The following ADAM23 variants were observed in gnomAD, a reference collection of about 807,000 sequenced individuals.
The protein encoded by ADAM23 is disintegrin and metalloproteinase domain-containing protein 23.
Under a neutral mutation model 120.1 loss-of-function variants are expected in ADAM23, and 33 were observed. That is an observed-to-expected ratio of 0.27 (90% CI 0.21 to 0.37). The LOEUF (loss-of-function observed/expected upper bound fraction) is 0.37, where lower values mean the gene tolerates loss of function less well. Among genes scored for constraint, ADAM23 ranks in the 10% least tolerant of loss-of-function variants. The pLI is 1.00. For synonymous variants in ADAM23, 367 were observed against 375.2 expected, an observed-to-expected ratio of 0.98 and a Z score of 0.25; for missense variants, 862 against 1,058.2, an observed-to-expected ratio of 0.81 and a Z score of 2.57.
At chr2:206,530,789 G>A in intron 3 of ADAM23, 96 bp from the exon 4 acceptor site, 1 of 905,884 alleles carries the variant, frequency 1.1e-6, no homozygotes, top group Non-Finnish European at 1.7e-6. Context: ...GCTATTTCTG[G>A]TTTGCATGCC....
intron 3 of ADAM23, among the ~76,000 whole-genome samples, chr2:206,508,353 A>G (rs1559239779): frequency 6.6e-6 from 1 of 152,042 alleles, no homozygotes; most frequent in African/African-American, 2.4e-5. Context: ...TCACTTTACT[A>G]ACAGGTCTTA....
chr2:206,521,734 C>G (rs1446331071), intron 3 of ADAM23, among the ~76,000 whole-genome samples: 1 of 152,174 alleles, frequency 6.6e-6, no homozygotes. Context: ...GCCTTGAAAG[C>G]TGCTCTCACC....
At chr2:206,453,568 G>A (rs1656892735) in intron 2 of ADAM23, among the ~76,000 whole-genome samples, 1 of 151,930 alleles carries the variant, frequency 6.6e-6, no homozygotes, top group South Asian at 2.1e-4. Flanking sequence ...ATTTTACAAG[G>A]GAGTCTTTGT....
At chr2:206,497,236 T>A (rs1270467950) in intron 3 of ADAM23, among the ~76,000 whole-genome samples, 3 of 152,110 alleles carry the variant, frequency 2.0e-5, no homozygotes, top group Non-Finnish European at 4.4e-5. Context: ...TGATGAACAT[T>A]GATGCAAAAA....
At chr2:206,469,504 A>G (rs1453747174) in intron 2 of ADAM23, among the ~76,000 whole-genome samples, 1 of 152,186 alleles carries the variant, frequency 6.6e-6, no homozygotes, top group Non-Finnish European at 1.5e-5. Context: ...ATTTTGCAAA[A>G]GTCTCTTAAG....
intron 2 of ADAM23, among the ~76,000 whole-genome samples, chr2:206,477,880 T>TA (rs71034456): frequency 0.017 from 1,863 of 109,146 alleles, 31 homozygotes; most frequent in East Asian, 0.03. Flanking sequence ...AATATTCTGT[T>TA]AAAAAAAAAA....
At chr2:206,593,238 A>G (rs1698460264) in intron 22 of ADAM23, among the ~76,000 whole-genome samples, 1 of 152,328 alleles carries the variant, frequency 6.6e-6, no homozygotes, top group African/African-American at 2.4e-5. Flanking sequence ...GTCTGTGAGT[A>G]CAAGGCATGT....
At chr2:206,505,692 A>C (rs1244261654) in intron 3 of ADAM23, among the ~76,000 whole-genome samples, 1 of 152,214 alleles carries the variant, frequency 6.6e-6, no homozygotes, top group African/African-American at 2.4e-5. Context: ...ACTTTCCACA[A>C]GGCCCTACCT....
At chr2:206,545,422 G>T (rs1697376724) in intron 6 of ADAM23, among the ~76,000 whole-genome samples, 1 of 152,124 alleles carries the variant, frequency 6.6e-6, no homozygotes, top group Admixed American at 6.5e-5. Context: ...GGAGGCAGAG[G>T]TTACAGCGAG....
At chr2:206,458,443 G>A (rs1251421878) in intron 2 of ADAM23, among the ~76,000 whole-genome samples, 1 of 152,184 alleles carries the variant, frequency 6.6e-6, no homozygotes, top group Non-Finnish European at 1.5e-5. Flanking sequence ...AGCTTGATTG[G>A]TCTACCTCAG....
intron 7 of ADAM23, 130 bp from the exon 8 acceptor site, chr2:206,548,151 G>T (rs753014752): frequency 4.1e-6 from 3 of 727,750 alleles, no homozygotes; most frequent in Non-Finnish European, 6.8e-6. Flanking sequence ...AATATATAAT[G>T]ATCAGTGTGC....
intron 2 of ADAM23, among the ~76,000 whole-genome samples, chr2:206,477,891 A>ATATATATATATATATATATATAT (rs1229595648): frequency 1.7e-4 from 16 of 94,398 alleles, no homozygotes; most frequent in East Asian, 1.2e-3. Flanking sequence ...AAAAAAAAAA[A>ATATATATATATATATATATATAT]AAAAAAATAT....
chr2:206,497,261 C>A (rs1696273795), intron 3 of ADAM23, among the ~76,000 whole-genome samples: 1 of 152,142 alleles, frequency 6.6e-6, no homozygotes, highest in Non-Finnish European at 1.5e-5. Flanking sequence ...CAGTAAAATA[C>A]TGGCAAACCG....
At chr2:206,468,891 G>A (rs772672744) in intron 2 of ADAM23, among the ~76,000 whole-genome samples, 45 of 152,162 alleles carry the variant, frequency 3.0e-4, no homozygotes, top group East Asian at 7.7e-4. Flanking sequence ...GCTTTTACCC[G>A]TGGTGGAAAG....
intron 3 of ADAM23, among the ~76,000 whole-genome samples, chr2:206,513,989 A>G (rs1323767907): frequency 1.3e-5 from 2 of 152,178 alleles, no homozygotes; most frequent in African/African-American, 4.8e-5. Flanking sequence ...AGGACAAAAA[A>G]AGATTCCTTT....
At chr2:206,457,256 C>T (rs532589848) in intron 2 of ADAM23, among the ~76,000 whole-genome samples, 2 of 152,258 alleles carry the variant, frequency 1.3e-5, no homozygotes, top group East Asian at 3.9e-4. Context: ...AGCATAACTG[C>T]CAAGATGATT....
At chr2:206,536,023 G>A (rs949960866) in intron 4 of ADAM23, among the ~76,000 whole-genome samples, 1 of 152,192 alleles carries the variant, frequency 6.6e-6, no homozygotes, top group African/African-American at 2.4e-5. Context: ...GGGAATAAGA[G>A]TTTATTTACC....
intron 3 of ADAM23, among the ~76,000 whole-genome samples, chr2:206,492,839 A>G (rs974041009): frequency 1.3e-5 from 2 of 152,158 alleles, no homozygotes; most frequent in African/African-American, 4.8e-5. Flanking sequence ...ATACATTCAA[A>G]CCATAGCAGA....
intron 24 of ADAM23, among the ~76,000 whole-genome samples, chr2:206,598,268 C>T (rs917204755): frequency 2.0e-5 from 3 of 152,048 alleles, no homozygotes; most frequent in African/African-American, 4.8e-5. Context: ...GATGCCTCAA[C>T]GGATGAGCAG....
Sources: gnomAD v4.1 joint callset for allele counts (sites outside exome capture counted in the v4.1 genomes callset) on GRCh38, gnomAD v4.1.1 for gene constraint, MANE v1.5 for transcripts, NCBI Gene and HGNC (gene_info 2026-07-23, HGNC 2026-07-21) for gene names.